The following SH3D21 variants were observed in gnomAD, a reference collection of about 807,000 sequenced individuals.
SH3D21 encodes manchette microtubule inner protein 1, also known as SH3 domain-containing protein 21.
SH3D21 carries 83 observed loss-of-function variants against 82.1 expected under a neutral mutation model. The observed-to-expected ratio is 1.01, with a 90% CI of 0.85 to 1.21. The LOEUF is 1.21. SH3D21 is among the 50% of genes most tolerant of loss of function. The probability of loss-of-function intolerance (pLI) is 0.00; values close to 1 mark genes in which losing one functional copy is unlikely to be tolerated. For missense variants in SH3D21, 980 were observed against 962.1 expected (o/e 1.02, Z -0.25); for synonymous variants, 383 against 387.8 (o/e 0.99, Z 0.15).
intron 10 of SH3D21, among the ~76,000 whole-genome samples, chr1:36,311,699 CT>C (rs895169568): frequency 1.4e-4 from 20 of 147,828 alleles, no homozygotes; most frequent in South Asian, 2.1e-4. Context: ...TGGGGGGTTT[CT>C]TTTTTTTTTG....
chr1:36,309,971 T>C (rs1171653211), intron 10 of SH3D21, among the ~76,000 whole-genome samples: 2 of 152,312 alleles, frequency 1.3e-5, no homozygotes, highest in Non-Finnish European at 2.9e-5. Context: ...ATTTATTTTT[T>C]TGAGACGGAG....
intron 10 of SH3D21, among the ~76,000 whole-genome samples, chr1:36,312,092 T>G (rs1570383250): frequency 6.6e-6 from 1 of 151,502 alleles, no homozygotes; most frequent in Non-Finnish European, 1.5e-5. Flanking sequence ...TGGTGAGATC[T>G]CGGCTCACTG....
chr1:36,316,717 C>CAG (rs1273791215), intron 10 of SH3D21, among the ~76,000 whole-genome samples: 1 of 150,936 alleles, frequency 6.6e-6, no homozygotes, highest in Non-Finnish European at 1.5e-5. Context: ...AGCCACAGAG[C>CAG]AGAGCTGCCC....
intron 13 of SH3D21, 65 bp downstream of exon 13, chr1:36,319,601 G>A: frequency 6.5e-7 from 1 of 1,550,344 alleles, no homozygotes; most frequent in Non-Finnish European, 8.7e-7. Context: ...GCTGTGGTGT[G>A]CACGGGTGAA....
intron 10 of SH3D21, among the ~76,000 whole-genome samples, chr1:36,309,980 A>T (rs1646205797): frequency 6.6e-6 from 1 of 151,954 alleles, no homozygotes; most frequent in Non-Finnish European, 1.5e-5. Context: ...TTTGAGACGG[A>T]GTCTCACTCT....
chr1:36,309,464 G>A (rs1027308726), intron 9 of SH3D21, 84 bp from the exon 10 acceptor site: 10 of 1,484,470 alleles, frequency 6.7e-6, no homozygotes, highest in Non-Finnish European at 9.2e-6. Context: ...GGGATTATAG[G>A]TGTGAGCCAC....
Position 36,306,953 on chromosome 1 carries a change from C to G in SH3D21, c.226+48C>G. ...GCGCCGGTGGGCGGGTGCACGGAGC[C>G]AGTGCGACCCCGGCGTCTCCGGCTC... On this transcript the variant is annotated intron_variant, in intron 3 of 15. Coordinates refer to ENST00000453908, the MANE Select transcript of SH3D21 (RefSeq NM_001162530.2). The surrounding 1 kb of genome is among the most constrained non-coding windows in gnomAD (Gnocchi z 4.5). 7.5e-7 allele frequency: 1 copy of G among 1,338,380 alleles called. No homozygotes were observed. The highest frequency in any genetic ancestry group is 9.7e-7 in the Non-Finnish European group (1 of 1,035,984). 82.9% of individuals were successfully genotyped at this position (1,338,380 alleles called of 1,614,324 possible). A position where few individuals can be genotyped will look rare whatever the true frequency, so the allele number is the denominator to read the frequency against.
At chr1:36,323,177 G>T, downstream of SH3D21, 1 of 913,142 alleles carries the variant, frequency 1.1e-6, no homozygotes, top group Non-Finnish European at 1.6e-6. Context: ...ACCCTGGAGA[G>T]AGCGCTTCCC....
downstream of SH3D21, chr1:36,322,429 C>T (rs754130794): frequency 8.7e-6 from 14 of 1,603,266 alleles, no homozygotes; most frequent in East Asian, 3.1e-4. Context: ...AGCCGCTGCG[C>T]CCGCTCCAGC....
downstream of SH3D21, chr1:36,322,602 TGAGCCGGGCCCCGGGGCC>T (rs754190302): frequency 5.8e-6 from 9 of 1,556,662 alleles, no homozygotes; most frequent in Admixed American, 1.9e-5. Context: ...GTCCCGGCGC[TGAGCCGGGCCCCGGGGCC>T]GCGGGCGGGG....
At chr1:36,327,326 G>A (rs757125828), downstream of SH3D21, among the ~76,000 whole-genome samples, 1 of 152,236 alleles carries the variant, frequency 6.6e-6, no homozygotes, top group Non-Finnish European at 1.5e-5. Flanking sequence ...ATTGCTGGGA[G>A]TGCATGAGCA....
rs1646456684 is a variant in SH3D21 at position 36,321,206 on chromosome 1, G to T, written c.*79G>T. The T allele has an allele frequency of 6.5e-7, 1 of 1,547,612 alleles. No homozygotes were observed. On this transcript the variant is annotated 3_prime_UTR_variant, in exon 16 of 16. Transcript: ENST00000453908. The surrounding 1 kb of genome is among the most constrained non-coding windows in gnomAD (Gnocchi z 6.1). ...TTGCACACGACTTTGGGAAACGCGA[G>T]AAAGTAAACTCTGCCTAGCACGGCG... is the stretch of plus-strand genomic sequence containing the variant.
chr1:36,321,513 G>A, downstream of SH3D21: 1 of 788,466 alleles, frequency 1.3e-6, no homozygotes, highest in South Asian at 2.6e-5. This position sits in a 1 kb window ranked among gnomAD's most constrained non-coding sequence, Gnocchi z 6.1. Context: ...CTGTGCGCCG[G>A]GGAGGAGCCG....
intron 10 of SH3D21, among the ~76,000 whole-genome samples, chr1:36,311,233 T>G (rs1179633693): frequency 6.6e-6 from 1 of 150,450 alleles, no homozygotes; most frequent in African/African-American, 2.4e-5. Context: ...TTTGTTGTTA[T>G]TGTTTGTTTG....
At chr1:36,310,350 A>C (rs966647433) in intron 10 of SH3D21, among the ~76,000 whole-genome samples, 12 of 152,320 alleles carry the variant, frequency 7.9e-5, no homozygotes, top group Admixed American at 3.3e-4. Context: ...ACAGTGGTTC[A>C]TGCCTGTAAT....
chr1:36,322,504 C>T (rs141040011), downstream of SH3D21: 11 of 1,602,268 alleles, frequency 6.9e-6, no homozygotes, highest in African/African-American at 1.5e-4. Flanking sequence ...AGCTCGGGGC[C>T]CGGCAGCGTG....
downstream of SH3D21, chr1:36,327,599 ATG>A: frequency 9.1e-7 from 1 of 1,094,810 alleles, no homozygotes; most frequent in Non-Finnish European, 1.2e-6. Flanking sequence ...TATGTGACAT[ATG>A]TGTTTGGAGT....
chr1:36,317,100 T>C (rs551745729), intron 10 of SH3D21, among the ~76,000 whole-genome samples: 1 of 152,324 alleles, frequency 6.6e-6, no homozygotes. Flanking sequence ...TCAGCCATAC[T>C]GTAAGAATGT....
At position 36,319,849 on chromosome 1, in the gene SH3D21, G is replaced by A. The variant is rs146797338; in HGVS notation, c.1186G>A (p.Ala396Thr). ...GAAGACCCTCACTCTAGGGGACAAG[G>A]CCTCTATCCCAGGGAACTCCACCTC... is the stretch of plus-strand genomic sequence containing the variant. ...PEKTLTLGDKASIPGNSTSGK... is the reference protein window; with the variant it reads ...PEKTLTLGDKTSIPGNSTSGK... The change falls in exon 14 of 16, where the codon GCC (alanine) becomes ACC (threonine). Residue 396 changes from alanine to threonine, a missense_variant. Ala to Thr is a moderately conservative substitution (Grantham distance 58, BLOSUM62 0). Coordinates refer to ENST00000453908, the MANE Select transcript of SH3D21 (RefSeq NM_001162530.2). 9.9e-6 allele frequency: 16 copies of A among 1,613,678 alleles called. No homozygotes were observed. The African/African-American group carries it at 2.1e-4, about 22-fold the overall frequency.
Sources: allele counts gnomAD v4.1 joint callset (sites outside exome capture counted in the v4.1 genomes callset), GRCh38; gene constraint gnomAD v4.1.1; non-coding constraint Gnocchi (gnomAD v3.1); transcripts MANE v1.5; gene names NCBI Gene and HGNC (gene_info 2026-07-23, HGNC 2026-07-21).